Variants in ENPP3 observed in about 807,000 individuals in gnomAD.
The protein encoded by ENPP3 is ectonucleotide pyrophosphatase/phosphodiesterase 3, also known as ectonucleotide pyrophosphatase/phosphodiesterase family member 3.
In ENPP3, 104 loss-of-function variants were observed where a neutral mutation model predicts 117.8. The ratio of observed to expected loss-of-function variants is 0.88; its 90% CI spans 0.75 to 1.04. The LOEUF (loss-of-function observed/expected upper bound fraction) is 1.04. Ranked by LOEUF, ENPP3 falls within the 50% of genes least tolerant of loss-of-function variation. The pLI, the probability that ENPP3 is intolerant of heterozygous loss-of-function variation, is 0.00. For synonymous variants in ENPP3, 380 were observed against 349.9 expected (o/e 1.09, Z -0.96); for missense variants, 1,026 against 1,051.9 (o/e 0.98, Z 0.34).
At chr6:131,679,071 T>TTCTTTCTTTCTG in intron 11 of ENPP3, among the ~76,000 whole-genome samples, 1 of 137,238 alleles carries the variant, frequency 7.3e-6, no homozygotes, top group East Asian at 2.1e-4. Flanking sequence ...CTTTCTTTCT[T>TTCTTTCTTTCTG]TCTTTCTTTC....
intron 23 of ENPP3, among the ~76,000 whole-genome samples, chr6:131,739,457 A>G (rs920418299): frequency 3.9e-5 from 6 of 152,172 alleles, no homozygotes; most frequent in Non-Finnish European, 8.8e-5. Flanking sequence ...GAAAGTCCAA[A>G]CATTTTGTGG....
At chr6:131,730,587 T>C (rs935803600) in intron 20 of ENPP3, among the ~76,000 whole-genome samples, 1 of 152,202 alleles carries the variant, frequency 6.6e-6, no homozygotes, top group Non-Finnish European at 1.5e-5. Flanking sequence ...GTGTTTTAGC[T>C]GGTTTCAGAA....
chr6:131,727,754 A>C (rs1433877504), intron 20 of ENPP3, among the ~76,000 whole-genome samples: 2 of 152,196 alleles, frequency 1.3e-5, no homozygotes, highest in Non-Finnish European at 2.9e-5. Flanking sequence ...AGACAAAGCT[A>C]TACCACCCAC....
At chr6:131,718,873 G>A in intron 16 of ENPP3, 135 bp downstream of exon 16, 2 of 518,188 alleles carry the variant, frequency 3.9e-6, no homozygotes, top group South Asian at 7.3e-5. Context: ...CAGATGTTAA[G>A]CCTAGTTACT....
chr6:131,693,603 A>T lies in ENPP3; in HGVS notation c.1391A>T (p.Asp464Val). 1 of 1,613,662 alleles carries T rather than the reference A, an allele frequency of 6.2e-7. No individual in the cohort carries two copies. Among genetic ancestry groups the T allele is most frequent in the Non-Finnish European group, 8.5e-7 (1 of 1,179,834 alleles). Residue 464 changes from aspartate to valine, a missense_variant, in exon 15 of 25, where the codon GAT becomes GTT. By Grantham distance (152) the Asp-to-Val change is radical. Transcript: ENST00000357639. ...VRIDKVHLFV[D>V]QQWLAVRSKS... ...ATCGACAAAGTTCATCTCTTTGTGG[A>T]TCAACAGTGGCTGGCTGTTAGGTTC...
intron 2 of ENPP3, among the ~76,000 whole-genome samples, chr6:131,642,250 C>A (rs1778060680): frequency 6.6e-6 from 1 of 152,066 alleles, no homozygotes; most frequent in African/African-American, 2.4e-5. Context: ...CCACCCTGTA[C>A]CTTGACACCA....
chr6:131,681,919 C>A (rs1004359043), intron 11 of ENPP3, among the ~76,000 whole-genome samples: 1 of 151,946 alleles, frequency 6.6e-6, no homozygotes, highest in Non-Finnish European at 1.5e-5. Flanking sequence ...GGCTCACTGC[C>A]CCCCTGGGGT....
chr6:131,642,020 C>G (rs184812031), intron 2 of ENPP3, among the ~76,000 whole-genome samples: 2 of 151,934 alleles, frequency 1.3e-5, no homozygotes, highest in East Asian at 3.9e-4. Flanking sequence ...GTCTCGAGCT[C>G]CCGGGCTCAA....
At chr6:131,719,660 C>T (rs546025055) in intron 16 of ENPP3, among the ~76,000 whole-genome samples, 4 of 152,086 alleles carry the variant, frequency 2.6e-5, no homozygotes, top group East Asian at 1.9e-4. Context: ...TACACCCACA[C>T]CTGTTACCAA....
intron 14 of ENPP3, among the ~76,000 whole-genome samples, chr6:131,690,865 T>G (rs62423414): frequency 0.075 from 11,428 of 152,006 alleles, 897 homozygotes; most frequent in African/African-American, 0.2. Flanking sequence ...TGCAATGTGT[T>G]CATGCTGAGT....
At chr6:131,644,168 G>A (rs1778110474) in intron 2 of ENPP3, among the ~76,000 whole-genome samples, 1 of 152,156 alleles carries the variant, frequency 6.6e-6, no homozygotes, top group African/African-American at 2.4e-5. Context: ...CATAAAATGA[G>A]ATCTACTAAA....
At chr6:131,689,532 A>T (rs1031896301) in intron 14 of ENPP3, among the ~76,000 whole-genome samples, 1 of 152,164 alleles carries the variant, frequency 6.6e-6, no homozygotes, top group Non-Finnish European at 1.5e-5. Context: ...TTCTGCTCAG[A>T]AAAAAAGGTT....
chr6:131,682,231 C>T (rs1423475575), intron 11 of ENPP3, among the ~76,000 whole-genome samples: 3 of 152,028 alleles, frequency 2.0e-5, no homozygotes, highest in African/African-American at 7.3e-5. Context: ...TGTCAGCTCA[C>T]ACCTGTAATT....
intron 2 of ENPP3, among the ~76,000 whole-genome samples, chr6:131,642,258 C>A (rs1778060741): frequency 6.6e-6 from 1 of 152,078 alleles, no homozygotes; most frequent in South Asian, 2.1e-4. Context: ...TACCTTGACA[C>A]CACGCTAGAG....
chr6:131,689,487 C>T (rs568586975), intron 14 of ENPP3, among the ~76,000 whole-genome samples: 11 of 152,204 alleles, frequency 7.2e-5, no homozygotes, highest in South Asian at 6.2e-4. Flanking sequence ...TTATAGCATC[C>T]GTTTCCTGAA....
Position 131,671,151 on chromosome 6 carries a change from T to C in ENPP3, c.563-97T>C, listed in dbSNP as rs1778731555. The C allele has an allele frequency of 5.2e-6, 4 of 768,934 alleles. No homozygotes were observed. The East Asian group carries it at 1.0e-4, about 19-fold the overall frequency. The allele number at this position is 768,934 out of a possible 1,614,324, so 47.6% of individuals were successfully genotyped here. A position where few individuals can be genotyped will look rare whatever the true frequency, so the allele number is the denominator to read the frequency against. ...TCTTTAATCCACTTTTTAGTTTGTT[T>C]TTTATTTTTCTGAGAGACTTTCATG... On this transcript the variant is annotated intron_variant, in intron 6 of 24. Transcript: ENST00000357639.
chr6:131,690,392 C>T (rs1399774114), intron 14 of ENPP3, among the ~76,000 whole-genome samples: 1 of 152,148 alleles, frequency 6.6e-6, no homozygotes, highest in Non-Finnish European at 1.5e-5. Flanking sequence ...TGAAGCAAGG[C>T]CCTCTACGAT....
intron 15 of ENPP3, among the ~76,000 whole-genome samples, chr6:131,701,904 G>GAAAAAA (rs796659829): frequency 9.8e-6 from 1 of 101,892 alleles, no homozygotes; most frequent in Non-Finnish European, 2.3e-5. Flanking sequence ...AAAAAGAAAA[G>GAAAAAA]AAAAAAAAAA....
At chr6:131,647,273 C>T (rs115560972) in intron 2 of ENPP3, among the ~76,000 whole-genome samples, 1,810 of 152,210 alleles carry the variant, frequency 0.012, 36 homozygotes, top group African/African-American at 0.042. Flanking sequence ...AAACCATGAA[C>T]AATAATGTGT....
Sources: allele counts gnomAD v4.1 joint callset (sites outside exome capture counted in the v4.1 genomes callset), GRCh38; gene constraint gnomAD v4.1.1; transcripts MANE v1.5; gene names NCBI Gene and HGNC (gene_info 2026-07-23, HGNC 2026-07-21).